Variants in STAC observed in about 807,000 individuals in gnomAD.
The protein encoded by STAC is SH3 and cysteine-rich domain-containing protein.
STAC carries 43 observed loss-of-function variants against 48.8 expected under a neutral mutation model. The observed-to-expected ratio is 0.88, with a 90% confidence interval of 0.69 to 1.14. STAC has a LOEUF of 1.14. Among genes scored for constraint, STAC ranks in the 50% most tolerant of loss-of-function variants. STAC has a pLI of 0.00. For synonymous variants in STAC, 193 were observed against 179.5 expected (o/e 1.07, Z -0.60); for missense variants, 497 against 504.0 (o/e 0.99, Z 0.13).
At chr3:36,393,882 G>C (rs1343301979) in intron 1 of STAC, among the ~76,000 whole-genome samples, 2 of 151,858 alleles carry the variant, frequency 1.3e-5, no homozygotes, top group Non-Finnish European at 2.9e-5. Flanking sequence ...ACAGTGACCA[G>C]AAAAGGATTC....
chr3:36,507,477 G>C (rs1231838158), intron 8 of STAC, among the ~76,000 whole-genome samples: 1 of 152,158 alleles, frequency 6.6e-6, no homozygotes, highest in African/African-American at 2.4e-5. Flanking sequence ...GTTTGGAATA[G>C]TTTCAGAAGG....
chr3:36,517,133 G>T (rs1385860696), intron 8 of STAC, among the ~76,000 whole-genome samples: 1 of 152,096 alleles, frequency 6.6e-6, no homozygotes, highest in Non-Finnish European at 1.5e-5. Context: ...CATCATGCAT[G>T]GGGTCTCGAA....
At chr3:36,396,848 G>A (rs193268882) in intron 1 of STAC, among the ~76,000 whole-genome samples, 19 of 151,982 alleles carry the variant, frequency 1.3e-4, no homozygotes, top group African/African-American at 2.2e-4. Context: ...TTTTTTCCTC[G>A]CACTAATGAC....
intron 6 of STAC, among the ~76,000 whole-genome samples, chr3:36,495,634 C>T (rs1698132966): frequency 6.6e-6 from 1 of 152,230 alleles, no homozygotes; most frequent in African/African-American, 2.4e-5. Context: ...CTGTTGCTCA[C>T]CAATTCCTTG....
intron 1 of STAC, among the ~76,000 whole-genome samples, chr3:36,421,695 T>G (rs963610560): frequency 2.0e-5 from 3 of 152,184 alleles, no homozygotes; most frequent in Non-Finnish European, 2.9e-5. Context: ...TTCCTGAATT[T>G]CTTTAATGAT....
At chr3:36,502,039 TA>T (rs1698294040) in intron 6 of STAC, among the ~76,000 whole-genome samples, 1 of 152,154 alleles carries the variant, frequency 6.6e-6, no homozygotes, top group Non-Finnish European at 1.5e-5. Flanking sequence ...GCTGCATTAC[TA>T]GGTTAAAAAA....
chr3:36,493,118 G>A (rs910400279), intron 5 of STAC, 33 bp from the exon 6 acceptor site: 53 of 1,598,228 alleles, frequency 3.3e-5, no homozygotes, highest in Non-Finnish European at 4.3e-5. Context: ...ATATAACATT[G>A]TTCATCCCAT....
At chr3:36,542,932 G>A (rs1699362599) in intron 10 of STAC, among the ~76,000 whole-genome samples, 1 of 152,148 alleles carries the variant, frequency 6.6e-6, no homozygotes, top group South Asian at 2.1e-4. Context: ...TTGAATGAGT[G>A]AATAAATAAG....
chr3:36,458,467 G>A (rs6550424), intron 2 of STAC, among the ~76,000 whole-genome samples: 1 of 152,008 alleles, frequency 6.6e-6, no homozygotes, highest in African/African-American at 2.4e-5. Context: ...GAGAAAGAGG[G>A]CATTTGTAAG....
intron 6 of STAC, among the ~76,000 whole-genome samples, chr3:36,494,199 G>C (rs1698076475): frequency 6.7e-6 from 1 of 150,234 alleles, no homozygotes; most frequent in Admixed American, 6.6e-5. Flanking sequence ...GTAATCCAGA[G>C]CTTAAAGACA....
chr3:36,468,142 T>C (rs990132427), intron 2 of STAC, among the ~76,000 whole-genome samples: 2 of 152,172 alleles, frequency 1.3e-5, no homozygotes, highest in African/African-American at 4.8e-5. Flanking sequence ...AATTTCCCTG[T>C]ATTTGCATGG....
intron 4 of STAC, among the ~76,000 whole-genome samples, chr3:36,485,499 C>T (rs1697780891): frequency 6.6e-6 from 1 of 152,198 alleles, no homozygotes; most frequent in Non-Finnish European, 1.5e-5. Context: ...GTTATTCACC[C>T]ATGCTTAGTA....
chr3:36,539,188 A>ATATTT (rs1459264944), intron 10 of STAC, among the ~76,000 whole-genome samples: 1 of 152,090 alleles, frequency 6.6e-6, no homozygotes, highest in Non-Finnish European at 1.5e-5. Flanking sequence ...CTTCTACAGA[A>ATATTT]TATTTTCTTT....
At chr3:36,522,851 G>C (rs775410565) in intron 8 of STAC, among the ~76,000 whole-genome samples, 1 of 152,102 alleles carries the variant, frequency 6.6e-6, no homozygotes, top group Non-Finnish European at 1.5e-5. Context: ...CTGGGCGGGG[G>C]ATGCCTCAGG....
chr3:36,386,484 T>C (rs980314274), intron 1 of STAC, among the ~76,000 whole-genome samples: 1 of 152,068 alleles, frequency 6.6e-6, no homozygotes, highest in African/African-American at 2.4e-5. Context: ...CATTTTTCTC[T>C]TCTATGGTTG....
chr3:36,475,532 G>A (rs1176415304), intron 2 of STAC, among the ~76,000 whole-genome samples: 1 of 152,116 alleles, frequency 6.6e-6, no homozygotes, highest in Non-Finnish European at 1.5e-5. Context: ...GGTATATGAT[G>A]GCAGGCATTT....
intron 1 of STAC, among the ~76,000 whole-genome samples, chr3:36,412,449 G>A (rs979684393): frequency 1.3e-5 from 2 of 151,900 alleles, no homozygotes; most frequent in Non-Finnish European, 2.9e-5. Context: ...TTTTTAAAGG[G>A]AAAGAGAAGT....
chr3:36,416,490 T>C (rs1177479899), intron 1 of STAC, among the ~76,000 whole-genome samples: 1 of 152,186 alleles, frequency 6.6e-6, no homozygotes, highest in African/African-American at 2.4e-5. Flanking sequence ...TTCAGGTCTC[T>C]TTATATACAC....
intron 10 of STAC, among the ~76,000 whole-genome samples, chr3:36,542,297 T>C (rs1699347655): frequency 6.6e-6 from 1 of 152,204 alleles, no homozygotes; most frequent in African/African-American, 2.4e-5. Context: ...CCCATTCTCC[T>C]TGTCGGTGAT....
Sources: gnomAD v4.1 joint callset for allele counts (sites outside exome capture counted in the v4.1 genomes callset) on GRCh38, gnomAD v4.1.1 for gene constraint, MANE v1.5 for transcripts, NCBI Gene and HGNC (gene_info 2026-07-23, HGNC 2026-07-21) for gene names.